TRMT44: variants seen among roughly 807,000 people sequenced by gnomAD.
TRMT44 encodes the protein probable tRNA (uracil-O(2)-)-methyltransferase.
In TRMT44, 78 loss-of-function variants were observed where a neutral mutation model predicts 77.3. The observed-to-expected ratio is 1.01, with a 90% confidence interval of 0.84 to 1.22. The LOEUF (loss-of-function observed/expected upper bound fraction) is 1.22. Among genes scored for constraint, TRMT44 ranks in the 50% most tolerant of loss-of-function variants. The pLI is 0.00. For synonymous variants in TRMT44, 391 were observed against 383.3 expected (o/e 1.02, Z -0.23); for missense variants, 1,090 against 964.4 (o/e 1.13, Z -1.73).
chr4:8,442,542 C>T (rs1018757002), intron 1 of TRMT44, among the ~76,000 whole-genome samples: 2 of 152,224 alleles, frequency 1.3e-5, no homozygotes. Flanking sequence ...GGTTAGGAAT[C>T]CCCATTGGCT....
At chr4:8,512,132 T>A in the TRMT44 span, 1 of 152,120 alleles carries the variant, frequency 6.6e-6, no homozygotes, top group Non-Finnish European at 1.5e-5. Flanking sequence ...GGGGGTGCGA[T>A]CTCGGTTCAC....
the TRMT44 span, among the ~76,000 whole-genome samples, chr4:8,505,586 T>C: frequency 1.3e-5 from 2 of 152,280 alleles, no homozygotes; most frequent in Admixed American, 1.3e-4. Flanking sequence ...TCCGCTGCAC[T>C]AGCTGCACTG....
intron 7 of TRMT44, 60 bp downstream of exon 7, chr4:8,464,151 G>C: frequency 6.9e-7 from 1 of 1,447,030 alleles, no homozygotes; most frequent in Non-Finnish European, 9.6e-7. Flanking sequence ...TCTAAACAGT[G>C]GTGTCCAAAA....
chr4:8,490,570 G>A (rs1010092228), intron 2 of TRMT44, among the ~76,000 whole-genome samples: 1 of 151,774 alleles, frequency 6.6e-6, no homozygotes, highest in East Asian at 1.9e-4. Flanking sequence ...AAGGCGGCGC[G>A]TCTGGAGTTG....
Position 8,475,944 on chromosome 4 carries a change from C to G in TRMT44, c.2217C>G (p.Ala739=). 1 of 1,614,178 alleles carries G rather than the reference C, an allele frequency of 6.2e-7. No individual in the cohort carries two copies. The highest frequency in any genetic ancestry group is 8.5e-7 in the Non-Finnish European group (1 of 1,180,038). The change falls in exon 11 of 11, where the codon GCC becomes GCG. Residue 739 remains alanine (A), a synonymous_variant. Transcript: ENST00000389737. ...TGTCCACGGACTGCTGCCCGTTTGC[C>G]CATGGGCCTGCGGAGCTGCGGCCAC... is the stretch of plus-strand genomic sequence containing the variant. ...CALSTDCCPF[A]HGPAELRPPR... is the part of the protein sequence containing the mutation.
intron 6 of TRMT44, among the ~76,000 whole-genome samples, chr4:8,458,466 T>TC (rs997487783): frequency 3.9e-5 from 3 of 76,152 alleles, no homozygotes; most frequent in African/African-American, 1.0e-4. Context: ...TTTCTTTTCT[T>TC]TTTTTTTTTT....
chr4:8,468,340 G>T lies in TRMT44; in HGVS notation c.1921G>T (p.Gly641Trp), dbSNP rs769401976. The change falls in exon 9 of 11, where the codon GGG becomes TGG. Residue 641 changes from glycine to tryptophan, a missense_variant. Coordinates refer to ENST00000389737, the MANE Select transcript of TRMT44 (RefSeq NM_152544.3). Reference protein sequence around the residue: ...SRNGSLKTWNGGESLSLAEVA... With the variant: ...SRNGSLKTWNWGESLSLAEVA... ...AAATGGGAGTTTGAAGACCTGGAAT[G>T]GGGGAGGTAAGCTGTCCACCATCTT... The T allele has an allele frequency of 5.0e-6, 8 of 1,614,014 alleles. No individual in the cohort carries two copies. The highest frequency in any genetic ancestry group is 1.1e-5 in the South Asian group (1 of 91,090).
chr4:8,467,001 G>A (rs1726606049), intron 8 of TRMT44, among the ~76,000 whole-genome samples: 1 of 152,188 alleles, frequency 6.6e-6, no homozygotes, highest in African/African-American at 2.4e-5. Flanking sequence ...GTTGATGCCT[G>A]GAGAGGAAGC....
chr4:8,451,172 C>A lies in TRMT44; in HGVS notation c.955-788C>A, dbSNP rs1725424578. Among the ~76,000 whole-genome samples the A allele has an allele frequency of 1.3e-5, 2 of 152,046 alleles. No individual in the cohort carries two copies. The highest frequency in any genetic ancestry group is 4.1e-4 in the South Asian group (2 of 4,826). On this transcript the variant is annotated intron_variant, in intron 3 of 10. Transcript: ENST00000389737. The surrounding 1 kb of genome is among the most constrained non-coding windows in gnomAD (Gnocchi z 4.1). Reference sequence around the variant, plus strand: ...CATTATTGCTGAAGCACCTGTGGGTCCCCGGGGTTGGCTGACTGAGGCTGG... The same window carrying A: ...CATTATTGCTGAAGCACCTGTGGGTACCCGGGGTTGGCTGACTGAGGCTGG...
chr4:8,460,573 T>C (rs1389778318), intron 6 of TRMT44, among the ~76,000 whole-genome samples: 1 of 152,130 alleles, frequency 6.6e-6, no homozygotes, highest in Non-Finnish European at 1.5e-5. Context: ...ACTCTTTTTT[T>C]TTTTTTGAGA....
chr4:8,503,656 T>C, the TRMT44 span, among the ~76,000 whole-genome samples: 2 of 152,184 alleles, frequency 1.3e-5, no homozygotes, highest in Admixed American at 6.5e-5. Context: ...CCACACAGGG[T>C]TCCTGCCATC....
intron 5 of TRMT44, among the ~76,000 whole-genome samples, chr4:8,454,017 A>G (rs1337311258): frequency 2.0e-5 from 3 of 152,154 alleles, no homozygotes; most frequent in African/African-American, 7.2e-5. Context: ...GCAGCTTGGT[A>G]GCTGGTACCT....
At chr4:8,475,744 AGT>A (rs1226398607) in intron 10 of TRMT44, 26 bp from the exon 11 acceptor site, 2 of 1,607,284 alleles carry the variant, frequency 1.2e-6, no homozygotes, top group Non-Finnish European at 1.7e-6. Context: ...TTTACTTCTC[AGT>A]GTGTCTTCTC....
In TRMT44 at chr4:8,451,661, A is replaced by T. The variant is rs114331154; in HGVS notation, c.955-299A>T. 9.1e-3 allele frequency among the ~76,000 whole-genome samples: 1,382 copies of T among 152,296 alleles called. 18 individuals are homozygous for T. The highest frequency in any genetic ancestry group is 0.032 in the African/African-American group (1,310 of 41,544). The stretch of plus-strand genomic sequence containing the variant: ...TTTGTTGCCCTTATCTGCATAGACA[A>T]TGAGCACAGTGTAGCTAAGTGTTTC... On this transcript the variant is annotated intron_variant, in intron 3 of 10. Coordinates refer to ENST00000389737, the MANE Select transcript of TRMT44 (RefSeq NM_152544.3). This position sits in a 1 kb window ranked among gnomAD's most constrained non-coding sequence, Gnocchi z 4.1.
At chr4:8,515,837 G>A in the TRMT44 span, among the ~76,000 whole-genome samples, 1 of 152,250 alleles carries the variant, frequency 6.6e-6, no homozygotes, top group East Asian at 1.9e-4. Context: ...CCCACTTGGT[G>A]AAAGTCCATC....
chr4:8,449,628 G>A (rs1305192838), intron 2 of TRMT44, 41 bp from the exon 3 acceptor site: 1 of 1,384,882 alleles, frequency 7.2e-7, no homozygotes, highest in Admixed American at 2.1e-5. Context: ...AATAAGAATT[G>A]AACATATCTG....
downstream of TRMT44, among the ~76,000 whole-genome samples, chr4:8,496,774 G>C (rs1728162675): frequency 6.6e-6 from 1 of 151,544 alleles, no homozygotes; most frequent in African/African-American, 2.4e-5. Flanking sequence ...TAGGAGTTCA[G>C]TGATTTTTTT....
the TRMT44 span, among the ~76,000 whole-genome samples, chr4:8,508,383 T>C: frequency 1.3e-5 from 2 of 152,088 alleles, no homozygotes; most frequent in Non-Finnish European, 2.9e-5. Flanking sequence ...CTGGGTGCCA[T>C]GGGTTGTGTC....
chr4:8,450,792 G>GTTTTTTTTTTTTTTTTTTTTTTTTTTTTT (rs59875098), intron 3 of TRMT44, among the ~76,000 whole-genome samples: 2 of 96,674 alleles, frequency 2.1e-5, no homozygotes, highest in African/African-American at 4.1e-5. Flanking sequence ...TCATTTCCAT[G>GTTTTTTTTTTTTTTTTTTTTTTTTTTTTT]TTTTTTTTTT....
Sources: gnomAD v4.1 joint callset for allele counts (sites outside exome capture counted in the v4.1 genomes callset) on GRCh38, gnomAD v4.1.1 for gene constraint, Gnocchi (gnomAD v3.1) non-coding constraint, MANE v1.5 for transcripts, NCBI Gene and HGNC (gene_info 2026-07-23, HGNC 2026-07-21) for gene names.